The following NALF1 variants were observed in gnomAD, a reference collection of about 807,000 sequenced individuals.
NALF1 encodes family with sequence similarity 155 member A.
Under a neutral mutation model 48.4 loss-of-function variants are expected in NALF1, and 3 were observed. The ratio of observed to expected loss-of-function variants is 0.06; its 90% CI spans 0.03 to 0.16. NALF1 has a LOEUF of 0.16. Ranked by LOEUF, NALF1 falls within the 10% of genes least tolerant of loss-of-function variation. The pLI, the probability that NALF1 is intolerant of heterozygous loss-of-function variation, is 1.00. For synonymous variants in NALF1, 262 were observed against 245.7 expected, an observed-to-expected ratio of 1.07 and a Z score of -0.62; for missense variants, 526 against 571.5, an observed-to-expected ratio of 0.92 and a Z score of 0.81.
At chr13:107,527,776 CTT>C (rs1876494083) in intron 1 of NALF1, among the ~76,000 whole-genome samples, 3 of 152,124 alleles carry the variant, frequency 2.0e-5, no homozygotes, top group Non-Finnish European at 2.9e-5. Context: ...CTCATTCTCT[CTT>C]GTCTGCTGCC....
chr13:107,272,929 G>A (rs1334348777), intron 1 of NALF1, among the ~76,000 whole-genome samples: 1 of 152,178 alleles, frequency 6.6e-6, no homozygotes, highest in Non-Finnish European at 1.5e-5. Context: ...GCATTTGCAA[G>A]TCTTCACCAA....
intron 1 of NALF1, among the ~76,000 whole-genome samples, chr13:107,862,502 T>A (rs1319339669): frequency 1.3e-5 from 2 of 152,090 alleles, no homozygotes; most frequent in Non-Finnish European, 2.9e-5. Flanking sequence ...CTACTCAATT[T>A]ATGTAATGTA....
At chr13:107,813,296 T>A (rs1416066716) in intron 1 of NALF1, among the ~76,000 whole-genome samples, 3 of 152,182 alleles carry the variant, frequency 2.0e-5, no homozygotes, top group Non-Finnish European at 4.4e-5. Context: ...TGTTATATTC[T>A]GCAACAGCAT....
intron 1 of NALF1, among the ~76,000 whole-genome samples, chr13:107,340,765 C>A (rs1348913783): frequency 6.6e-6 from 1 of 152,020 alleles, no homozygotes; most frequent in Non-Finnish European, 1.5e-5. Flanking sequence ...CTTTACATTC[C>A]TGATCTATTT....
rs558048120 is a variant in NALF1, at chr13:107,505,503, G to A, written c.916-294748C>T. Among the ~76,000 whole-genome samples, 8 of 152,296 alleles carry A rather than the reference G, an allele frequency of 5.3e-5. No homozygotes were observed. The South Asian group carries it at 1.7e-3, about 32-fold the overall frequency. On this transcript the variant is annotated intron_variant, in intron 1 of 2. Transcript: ENST00000375915. ...GAGCTGCTAGAGGCTGATTTATATG[G>A]AAGGAAGGATGGCAGGATCTGCTGG... is the stretch of plus-strand genomic sequence containing the variant.
rs1447259611 is a variant in NALF1 at position 107,169,228 on chromosome 13, A to AAAG, written c.*1266_*1268dup. 1 of 152,312 alleles carries AAAG rather than the reference A, an allele frequency of 6.6e-6. No homozygotes were observed. The highest frequency in any genetic ancestry group is 1.9e-4 in the East Asian group (1 of 5,204). The allele number at this position is 152,312 out of a possible 1,614,324, so 9.4% of individuals were successfully genotyped here. On this transcript the variant is annotated 3_prime_UTR_variant, in exon 3 of 3. Coordinates refer to ENST00000375915, the MANE Select transcript of NALF1 (RefSeq NM_001080396.3). ...ATGGCTGACCTATTTATTTTTTAAA[A>AAAG]AAGAAGTTGTTCCTCTGTGATAATG...
In NALF1 at chr13:107,170,380, TA is replaced by T; in HGVS notation, c.*116del. ...AGGCCCATCTGTTTAAATTTTACCC[TA>T]AAGGCCTTGCAATAAGTAATTCGAG... On this transcript the variant is annotated 3_prime_UTR_variant, in exon 3 of 3. Coordinates refer to ENST00000375915, the MANE Select transcript of NALF1 (RefSeq NM_001080396.3). The T allele has an allele frequency of 1.0e-6, 1 of 1,000,170 alleles. No homozygotes were observed. Among genetic ancestry groups the T allele is most frequent in the Non-Finnish European group, 1.5e-6 (1 of 686,520 alleles). 62.0% of individuals were successfully genotyped at this position (1,000,170 alleles called of 1,614,324 possible).
intron 1 of NALF1, among the ~76,000 whole-genome samples, chr13:107,327,338 T>C (rs1208691263): frequency 6.6e-6 from 1 of 152,106 alleles, no homozygotes; most frequent in African/African-American, 2.4e-5. Context: ...AGGGAAGGTG[T>C]TGGGTGCTGC....
intron 1 of NALF1, among the ~76,000 whole-genome samples, chr13:107,246,142 T>C (rs1880579161): frequency 6.6e-6 from 1 of 150,380 alleles, no homozygotes. Flanking sequence ...TTGATTTAAT[T>C]ATAAGATAAG....
chr13:107,633,620 T>C (rs1298202834), intron 1 of NALF1, among the ~76,000 whole-genome samples: 1 of 151,732 alleles, frequency 6.6e-6, no homozygotes, highest in African/African-American at 2.4e-5. Context: ...ACTTATTTTC[T>C]CTTTTATTTC....
intron 1 of NALF1, among the ~76,000 whole-genome samples, 174 bp from the exon 2 acceptor site, chr13:107,210,929 A>G (rs576748473): frequency 1.3e-5 from 2 of 152,224 alleles, no homozygotes; most frequent in Non-Finnish European, 2.9e-5. Flanking sequence ...CACAGCAACG[A>G]AAGTCTCCGC....
intron 1 of NALF1, among the ~76,000 whole-genome samples, chr13:107,448,430 G>T (rs1303733341): frequency 6.6e-6 from 1 of 152,082 alleles, no homozygotes; most frequent in Admixed American, 6.5e-5. Flanking sequence ...TGACATGCTG[G>T]CACCTTGGAC....
At chr13:107,756,924 T>C (rs1877117693) in intron 1 of NALF1, among the ~76,000 whole-genome samples, 2 of 152,212 alleles carry the variant, frequency 1.3e-5, no homozygotes, top group South Asian at 2.1e-4. Context: ...GGGTGCATTA[T>C]TGTTATAAGT....
intron 1 of NALF1, among the ~76,000 whole-genome samples, chr13:107,786,499 G>A (rs986459775): frequency 1.3e-5 from 2 of 150,636 alleles, no homozygotes; most frequent in African/African-American, 2.4e-5. Flanking sequence ...TGAGGTGGGC[G>A]GATCACCTGA....
chr13:107,775,677 G>A (rs1487027220), intron 1 of NALF1, among the ~76,000 whole-genome samples: 2 of 151,894 alleles, frequency 1.3e-5, no homozygotes, highest in African/African-American at 4.8e-5. Context: ...CACCAACAGT[G>A]TAAAAGTGTT....
intron 1 of NALF1, among the ~76,000 whole-genome samples, chr13:107,317,617 A>G (rs1882175515): frequency 6.6e-6 from 1 of 152,120 alleles, no homozygotes; most frequent in African/African-American, 2.4e-5. Context: ...AGTTTGATTT[A>G]GATCTTTAAT....
At chr13:107,392,964 G>C (rs1015868274) in intron 1 of NALF1, among the ~76,000 whole-genome samples, 1 of 152,140 alleles carries the variant, frequency 6.6e-6, no homozygotes, top group Non-Finnish European at 1.5e-5. Flanking sequence ...ACATGGAGGA[G>C]TCAATGGTCT....
chr13:107,751,167 T>C (rs1321367152), intron 1 of NALF1, among the ~76,000 whole-genome samples: 2 of 152,232 alleles, frequency 1.3e-5, no homozygotes, highest in Admixed American at 1.3e-4. Context: ...GAGGTTTCAG[T>C]TGAGTGACCT....
intron 1 of NALF1, among the ~76,000 whole-genome samples, chr13:107,794,115 G>A (rs1289843519): frequency 6.6e-6 from 1 of 152,140 alleles, no homozygotes; most frequent in East Asian, 1.9e-4. Flanking sequence ...GATTCCCACA[G>A]CCAATTTATA....
Sources: gnomAD v4.1 joint callset for allele counts (sites outside exome capture counted in the v4.1 genomes callset) on GRCh38, gnomAD v4.1.1 for gene constraint, MANE v1.5 for transcripts, NCBI Gene and HGNC (gene_info 2026-07-23, HGNC 2026-07-21) for gene names.